The following MEGF9 variants were observed in gnomAD, a reference collection of about 807,000 sequenced individuals.
The protein encoded by MEGF9 is multiple epidermal growth factor-like domains protein 9.
MEGF9 carries 6 observed loss-of-function variants against 46.8 expected under a neutral mutation model. The ratio of observed to expected loss-of-function variants is 0.13; its 90% CI spans 0.07 to 0.25. The LOEUF is 0.25. Ranked by LOEUF, MEGF9 falls within the 10% of genes least tolerant of loss-of-function variation. The probability of loss-of-function intolerance (pLI) is 1.00; values close to 1 mark genes in which losing one functional copy is unlikely to be tolerated. For synonymous variants in MEGF9, 302 were observed against 330.7 expected, an observed-to-expected ratio of 0.91 and a Z score of 0.94; for missense variants, 683 against 792.4, an observed-to-expected ratio of 0.86 and a Z score of 1.66.
rs765228669 is a variant in MEGF9 at position 120,604,110 on chromosome 9, C to G, written c.*1080G>C. ...GATTAATGTTTTTGGAGAATGCATC[C>G]TATGTCCCAGCTTAACGATTACTGA... On this transcript the variant is annotated 3_prime_UTR_variant, in exon 6 of 6. Coordinates refer to ENST00000373930, the MANE Select transcript of MEGF9 (RefSeq NM_001080497.3). The G allele has an allele frequency of 6.6e-6, 1 of 152,582 alleles. No individual in the cohort carries two copies. The allele number at this position is 152,582 out of a possible 1,614,324, so 9.5% of individuals were successfully genotyped here.
chr9:120,678,204 T>A (rs2043782128), intron 1 of MEGF9, among the ~76,000 whole-genome samples: 2 of 152,234 alleles, frequency 1.3e-5, no homozygotes, highest in African/African-American at 4.8e-5. Context: ...TGATGGATAC[T>A]TGGGTTGCTT....
chr9:120,619,272 A>G (rs1046565953), intron 3 of MEGF9, among the ~76,000 whole-genome samples: 18 of 151,602 alleles, frequency 1.2e-4, no homozygotes, highest in Non-Finnish European at 2.2e-4. Flanking sequence ...GCTTGAACCC[A>G]GGAGGTGGAG....
rs1386459107 is a variant in MEGF9, at chr9:120,605,287, T to C, written c.1712A>G (p.Asn571Ser). 2 of 1,613,892 alleles carry C rather than the reference T, an allele frequency of 1.2e-6. No individual in the cohort carries two copies. The highest frequency in any genetic ancestry group is 1.3e-5 in the African/African-American group (1 of 74,918). Residue 571 changes from asparagine to serine, a missense_variant, in exon 6 of 6, where the codon AAT (asparagine) becomes AGT (serine). By Grantham distance (46) the Asn-to-Ser change is conservative. Transcript: ENST00000373930. The surrounding 1 kb of genome is among the most constrained non-coding windows in gnomAD (Gnocchi z 4.0). ...TTCCAACAATCCCGAAACATCTGCATTGGGAATGCTGTCATGGTAGCTGCT... is the reference window on the plus strand; with the variant it reads ...TTCCAACAATCCCGAAACATCTGCACTGGGAATGCTGTCATGGTAGCTGCT... ...SFSSYHDSIP[N>S]ADVSGLLEDD...
intron 4 of MEGF9, among the ~76,000 whole-genome samples, chr9:120,610,243 C>T (rs1366370716): frequency 2.0e-5 from 3 of 152,180 alleles, no homozygotes; most frequent in African/African-American, 4.8e-5. Flanking sequence ...AATGAAGTTA[C>T]AGCTTACAAC....
rs557526657 is a variant in MEGF9 at position 120,651,118 on chromosome 9, T to C, written c.803+8256A>G. On this transcript the variant is annotated intron_variant, in intron 2 of 5. Transcript: ENST00000373930. ...GCAATATAACAGATATTGCAATTGG[T>C]ATTTGTTCATCAAAGGGCTGGTCCT... Among the ~76,000 whole-genome samples, 30 of 152,376 alleles carry C rather than the reference T, an allele frequency of 2.0e-4. 1 individual carries two copies. The highest frequency in any genetic ancestry group is 6.3e-4 in the African/African-American group (26 of 41,592).
intron 2 of MEGF9, among the ~76,000 whole-genome samples, chr9:120,652,037 CA>C (rs1564420723): frequency 6.6e-6 from 1 of 150,736 alleles, no homozygotes; most frequent in African/African-American, 2.4e-5. Flanking sequence ...AGCATACCAA[CA>C]AAAAACAAAT....
chr9:120,695,740 C>T (rs78076152), intron 1 of MEGF9, among the ~76,000 whole-genome samples: 6,102 of 151,798 alleles, frequency 0.04, 409 homozygotes, highest in African/African-American at 0.14. Flanking sequence ...TGGGTAGACA[C>T]GTGTCATTCT....
rs182658207 is a variant in MEGF9, at chr9:120,605,924, A to G, written c.1358-283T>C. ...CGTGGTGGCTCACACCTGTAATCCC[A>G]GCACTTTGGGCGGCCGAGGGTGGTG... On this transcript the variant is annotated intron_variant, in intron 5 of 5. Coordinates refer to ENST00000373930, the MANE Select transcript of MEGF9 (RefSeq NM_001080497.3). The surrounding 1 kb of genome is among the most constrained non-coding windows in gnomAD (Gnocchi z 4.0). Among the ~76,000 whole-genome samples the G allele has an allele frequency of 6.6e-6, 1 of 152,328 alleles. No homozygotes were observed. The highest frequency in any genetic ancestry group is 2.4e-5 in the African/African-American group (1 of 41,572).
chr9:120,687,875 T>C (rs1184053740), intron 1 of MEGF9, among the ~76,000 whole-genome samples: 3 of 151,460 alleles, frequency 2.0e-5, no homozygotes, highest in Non-Finnish European at 2.9e-5. Context: ...CAGGAGAAAA[T>C]TCAGATATTA....
At chr9:120,690,467 T>C (rs1415067183) in intron 1 of MEGF9, among the ~76,000 whole-genome samples, 7 of 152,154 alleles carry the variant, frequency 4.6e-5, no homozygotes, top group Admixed American at 3.9e-4. Flanking sequence ...TCTAAAAGAC[T>C]AATGTTTTGT....
Position 120,714,272 on chromosome 9 carries a change from G to A in MEGF9, c.87C>T (p.Ala29=), listed in dbSNP as rs1156898600. The change falls in exon 1 of 6, where the codon GCC becomes GCT. Residue 29 remains alanine, a synonymous_variant. Coordinates refer to ENST00000373930, the MANE Select transcript of MEGF9 (RefSeq NM_001080497.3). ...CCGAGGCGGCTGAGGCGACGGCGGC[G>A]GCGGCGGCGGCGGCGGCGCAGCACA... ...ALLCCAAAAA[A]AAVASAASAG... is the part of the protein sequence containing the mutation. The A allele has an allele frequency of 3.7e-6, 4 of 1,069,636 alleles. No individual in the cohort carries two copies. Among genetic ancestry groups the A allele is most frequent in the African/African-American group, 3.3e-5 (2 of 60,750 alleles). The allele number at this position is 1,069,636 out of a possible 1,614,324, so 66.3% of individuals were successfully genotyped here. A position where few individuals can be genotyped will look rare whatever the true frequency, so the allele number is the denominator to read the frequency against.
chr9:120,712,495 T>C (rs1196763275), intron 1 of MEGF9, among the ~76,000 whole-genome samples: 2 of 152,188 alleles, frequency 1.3e-5, no homozygotes, highest in Non-Finnish European at 2.9e-5. Flanking sequence ...AATCTCTCTA[T>C]ATGAAAGCCA....
chr9:120,646,527 TTTCC>T (rs1261086113), intron 2 of MEGF9, among the ~76,000 whole-genome samples: 1 of 152,190 alleles, frequency 6.6e-6, no homozygotes, highest in African/African-American at 2.4e-5. Flanking sequence ...GTCTAAATCC[TTTCC>T]TTCCTTCAAA....
At chr9:120,665,057 G>A (rs1366345038) in intron 1 of MEGF9, among the ~76,000 whole-genome samples, 2 of 148,852 alleles carry the variant, frequency 1.3e-5, no homozygotes, top group African/African-American at 5.2e-5. Context: ...AAAATATAGA[G>A]TAAATTACAG....
chr9:120,661,909 T>C (rs1471115708), intron 1 of MEGF9, among the ~76,000 whole-genome samples: 1 of 152,174 alleles, frequency 6.6e-6, no homozygotes, highest in Non-Finnish European at 1.5e-5. Context: ...TCAAATTACA[T>C]CCAACTTCTC....
In MEGF9 at chr9:120,607,811, G is replaced by A; in HGVS notation, c.1287C>T (p.Thr429=). 6.2e-7 allele frequency: 1 copy of A among 1,613,964 alleles called. No individual in the cohort carries two copies. ...GGCAGTTCTCACACCAAAACCCAGT[G>A]GTGTTATGGAGGCAGTTGATGCACT... The part of the protein sequence containing the change: ...SGECINCLHN[T]TGFWCENCLE... The change falls in exon 5 of 6, where the codon ACC becomes ACT. Residue 429 remains threonine, a synonymous_variant. Coordinates refer to ENST00000373930, the MANE Select transcript of MEGF9 (RefSeq NM_001080497.3).
chr9:120,646,111 A>T (rs903476867), intron 2 of MEGF9, among the ~76,000 whole-genome samples: 1 of 152,170 alleles, frequency 6.6e-6, no homozygotes, highest in East Asian at 1.9e-4. Context: ...TTTCCACAGA[A>T]TTATGCACAG....
chr9:120,633,564 C>G (rs539529505), intron 2 of MEGF9, among the ~76,000 whole-genome samples: 3 of 151,706 alleles, frequency 2.0e-5, no homozygotes, highest in African/African-American at 7.2e-5. Context: ...TAGCTGATTT[C>G]TTGTATTGCT....
intron 1 of MEGF9, among the ~76,000 whole-genome samples, chr9:120,680,710 A>C (rs917119217): frequency 6.6e-6 from 1 of 152,020 alleles, no homozygotes; most frequent in East Asian, 1.9e-4. Context: ...AGTTTACCTG[A>C]TGTTCTATTC....
Sources: gnomAD v4.1 joint callset for allele counts (sites outside exome capture counted in the v4.1 genomes callset) on GRCh38, gnomAD v4.1.1 for gene constraint, Gnocchi (gnomAD v3.1) non-coding constraint, MANE v1.5 for transcripts, NCBI Gene and HGNC (gene_info 2026-07-23, HGNC 2026-07-21) for gene names.